Variants in EHMT1 observed in about 807,000 individuals in gnomAD.
The protein encoded by EHMT1 is euchromatic histone lysine methyltransferase 1, also known as histone-lysine N-methyltransferase EHMT1.
EHMT1 carries 15 observed loss-of-function variants against 147.2 expected under a neutral mutation model. The observed-to-expected ratio is 0.10, with a 90% CI of 0.07 to 0.16. EHMT1 has a LOEUF of 0.16. Ranked by LOEUF, EHMT1 falls within the 10% of genes least tolerant of loss-of-function variation. The pLI is 1.00. For missense variants in EHMT1, 1,587 were observed against 1,772.4 expected (o/e 0.90, Z 1.88); for synonymous variants, 795 against 709.6 (o/e 1.12, Z -1.91).
At chr9:137,792,149 C>G (rs1300970630) in intron 16 of EHMT1, 2 of 467,326 alleles carry the variant, frequency 4.3e-6, no homozygotes, top group South Asian at 3.1e-5. Flanking sequence ...CTCACACTTG[C>G]TGATTTCAAA....
chr9:137,728,077 G>T (rs1946785925), intron 3 of EHMT1, among the ~76,000 whole-genome samples: 1 of 152,200 alleles, frequency 6.6e-6, no homozygotes, highest in South Asian at 2.1e-4. Flanking sequence ...CCTCCCTCCT[G>T]CTCATTCCTC....
chr9:137,625,354 T>G (rs1269708084), intron 1 of EHMT1, among the ~76,000 whole-genome samples: 1 of 152,172 alleles, frequency 6.6e-6, no homozygotes, highest in Non-Finnish European at 1.5e-5. Context: ...CCTTTCATTA[T>G]AGGAGGTTTT....
intron 2 of EHMT1, among the ~76,000 whole-genome samples, chr9:137,715,957 A>G (rs868421877): frequency 2.0e-5 from 3 of 152,040 alleles, no homozygotes; most frequent in Non-Finnish European, 2.9e-5. Context: ...CTGGTTTGCT[A>G]TGAAACAAAA....
chr9:137,817,409 C>T (rs1356297247), intron 23 of EHMT1, 30 bp from the exon 24 acceptor site: 2 of 1,613,268 alleles, frequency 1.2e-6, no homozygotes. Flanking sequence ...AGGCTGTGGC[C>T]TGGGTTCACC....
intron 17 of EHMT1, chr9:137,800,511 C>CCTGGG (rs1433506398): frequency 3.2e-6 from 1 of 314,920 alleles, no homozygotes; most frequent in Non-Finnish European, 6.1e-6. Flanking sequence ...CCGGGTCTGG[C>CCTGGG]CTGGGCTTAC....
chr9:137,810,215 C>A (rs1273789047), intron 18 of EHMT1, among the ~76,000 whole-genome samples: 1 of 146,890 alleles, frequency 6.8e-6, no homozygotes, highest in Non-Finnish European at 1.5e-5. Context: ...GGTGATGGGT[C>A]CGGAGGCGGT....
At chr9:137,816,152 G>A (rs1412089878) in intron 23 of EHMT1, 90 bp downstream of exon 23, 11 of 1,135,968 alleles carry the variant, frequency 9.7e-6, no homozygotes, top group African/African-American at 4.6e-5. Context: ...AGAACTTAAC[G>A]TGTTTGGATG....
At chr9:137,647,371 G>A (rs1056825393) in intron 1 of EHMT1, among the ~76,000 whole-genome samples, 4 of 152,092 alleles carry the variant, frequency 2.6e-5, no homozygotes, top group Admixed American at 6.6e-5. Flanking sequence ...TCTGCCTCTC[G>A]CCCCGCAGCG....
chr9:137,817,360 C>T, intron 23 of EHMT1, 79 bp from the exon 24 acceptor site: 1 of 1,516,590 alleles, frequency 6.6e-7, no homozygotes, highest in Non-Finnish European at 9.1e-7. Context: ...AGTGACGTGG[C>T]ACCAGCTGGC....
rs151233790 is a variant in EHMT1, at chr9:137,813,622, G to C, written c.3180+92G>C. 5 of 1,560,080 alleles carry C rather than the reference G, an allele frequency of 3.2e-6. No individual in the cohort carries two copies. Among genetic ancestry groups the C allele is most frequent in the Non-Finnish European group, 4.4e-6 (5 of 1,148,462 alleles). On this transcript the variant is annotated intron_variant, in intron 21 of 26. Transcript: ENST00000460843. This position sits in a 1 kb window ranked among gnomAD's most constrained non-coding sequence, Gnocchi z 4.9. ...TGGGGTCCTGGGTTCTCACCACTCA[G>C]AGCAGGAGGGCTTATGGGGGGCTTC...
At chr9:137,690,506 C>CA (rs34887611) in intron 1 of EHMT1, among the ~76,000 whole-genome samples, 1,530 of 91,030 alleles carry the variant, frequency 0.017, 13 homozygotes, top group East Asian at 0.07. Flanking sequence ...GACCCTGTCT[C>CA]AAAAAAAAAA....
At chr9:137,636,247 T>C (rs1229104809) in intron 1 of EHMT1, among the ~76,000 whole-genome samples, 3 of 152,238 alleles carry the variant, frequency 2.0e-5, no homozygotes, top group Non-Finnish European at 4.4e-5. Context: ...TGCAATTGTA[T>C]AGACATAAAA....
At chr9:137,801,097 C>A in intron 18 of EHMT1, 113 bp downstream of exon 18, 1 of 914,190 alleles carries the variant, frequency 1.1e-6, no homozygotes, top group Middle Eastern at 2.1e-4. Flanking sequence ...CGGCTTTGAC[C>A]TCTTCCTGTG....
At chr9:137,725,916 G>A (rs192853091) in intron 3 of EHMT1, among the ~76,000 whole-genome samples, 3 of 152,104 alleles carry the variant, frequency 2.0e-5, no homozygotes, top group East Asian at 3.9e-4. Flanking sequence ...TGGAACTCTC[G>A]CTCTGCCTCC....
chr9:137,667,637 G>A (rs2134180741), intron 1 of EHMT1: 1 of 152,296 alleles, frequency 6.6e-6, no homozygotes, highest in East Asian at 1.9e-4. Flanking sequence ...TAGCATTAGA[G>A]ATTTCTGGCT....
chr9:137,820,727 T>C (rs951791622), intron 25 of EHMT1, among the ~76,000 whole-genome samples: 6 of 152,204 alleles, frequency 3.9e-5, no homozygotes, highest in Non-Finnish European at 8.8e-5. Flanking sequence ...GGAGAAGATG[T>C]CTTTTCCCCA....
intron 4 of EHMT1, among the ~76,000 whole-genome samples, chr9:137,735,502 A>C (rs1327755565): frequency 1.3e-5 from 2 of 152,370 alleles, no homozygotes; most frequent in East Asian, 3.8e-4. Context: ...AAAAGCTATA[A>C]TACGTGTAGC....
At chr9:137,688,778 G>A (rs1228195302) in intron 1 of EHMT1, among the ~76,000 whole-genome samples, 1 of 152,172 alleles carries the variant, frequency 6.6e-6, no homozygotes, top group Non-Finnish European at 1.5e-5. Context: ...TTGCTTCTGC[G>A]TTCTCCTCGG....
intron 18 of EHMT1, chr9:137,803,042 CT>C: frequency 8.1e-7 from 1 of 1,231,110 alleles, no homozygotes; most frequent in South Asian, 4.1e-5. Context: ...CCCCCGGAGA[CT>C]GCGTGGCGGG....
Sources: allele counts gnomAD v4.1 joint callset (sites outside exome capture counted in the v4.1 genomes callset), GRCh38; gene constraint gnomAD v4.1.1; non-coding constraint Gnocchi (gnomAD v3.1); transcripts MANE v1.5; gene names NCBI Gene and HGNC (gene_info 2026-07-23, HGNC 2026-07-21).